ACAD11: variants seen among roughly 807,000 people sequenced by gnomAD.
ACAD11 encodes the protein acyl-Coenzyme A dehydrogenase family, member 11.
ACAD11 carries 83 observed loss-of-function variants against 102.2 expected under a neutral mutation model. That is an observed-to-expected ratio of 0.81 (90% CI 0.68 to 0.97). The LOEUF (loss-of-function observed/expected upper bound fraction) is 0.97. Ranked by LOEUF, ACAD11 falls within the 50% of genes least tolerant of loss-of-function variation. The pLI is 0.00. For synonymous variants in ACAD11, 324 were observed against 319.8 expected, an observed-to-expected ratio of 1.01 and a Z score of -0.14; for missense variants, 901 against 951.7, an observed-to-expected ratio of 0.95 and a Z score of 0.70.
Position 132,575,773 on chromosome 3 carries a change from T to A in ACAD11, c.2000A>T (p.His667Leu), listed in dbSNP as rs1454129517. Reference protein sequence around the residue: ...RIAFKKKLYAHEVVAHWIAES... With the variant: ...RIAFKKKLYALEVVAHWIAES... The stretch of plus-strand genomic sequence containing the variant: ...ATTCAAATAAGTAATCGTCCTCACA[T>A]GTGCATACAACTTCTTCTTGAAAGC... The change falls in exon 17 of 20, where the codon CAT becomes CTT. Residue 667 changes from histidine (H) to leucine (L), a missense_variant and splice_region_variant. His to Leu is a moderately conservative substitution (Grantham distance 99). Coordinates refer to ENST00000264990, the MANE Select transcript of ACAD11 (RefSeq NM_032169.5). 4.3e-6 allele frequency: 7 copies of A among 1,614,036 alleles called. No individual in the cohort carries two copies. In the South Asian group the frequency reaches 7.7e-5, roughly 18 times the overall value.
At chr3:132,627,794 C>G (rs1389441967) in intron 8 of ACAD11, among the ~76,000 whole-genome samples, 1 of 152,184 alleles carries the variant, frequency 6.6e-6, no homozygotes, top group Non-Finnish European at 1.5e-5. Flanking sequence ...ATTGTCCTAA[C>G]ATTATGCCAT....
intron 11 of ACAD11, among the ~76,000 whole-genome samples, chr3:132,607,903 T>C (rs1374181651): frequency 6.6e-6 from 1 of 152,104 alleles, no homozygotes; most frequent in African/African-American, 2.4e-5. Context: ...AGGAAGCCCA[T>C]CAGACTAACA....
intron 1 of ACAD11, among the ~76,000 whole-genome samples, chr3:132,654,107 A>C (rs898928184): frequency 1.1e-4 from 17 of 152,190 alleles, no homozygotes; most frequent in African/African-American, 4.1e-4. Flanking sequence ...AGTTCACAAT[A>C]ACCCTATTCT....
intron 17 of ACAD11, among the ~76,000 whole-genome samples, chr3:132,565,778 C>T (rs1300628777): frequency 6.6e-6 from 1 of 152,006 alleles, no homozygotes; most frequent in Admixed American, 6.5e-5. Context: ...CTGGGATGTC[C>T]CCCCTTATCT....
intron 4 of ACAD11, among the ~76,000 whole-genome samples, chr3:132,641,602 A>AGAAGAAGAG (rs1559973769): frequency 1.5e-5 from 2 of 132,330 alleles, no homozygotes; most frequent in East Asian, 2.3e-4. Flanking sequence ...AAGAAGAAGA[A>AGAAGAAGAG]GAGGAGGAAG....
chr3:132,588,105 C>A (rs1056039490), intron 13 of ACAD11, among the ~76,000 whole-genome samples: 1 of 152,178 alleles, frequency 6.6e-6, no homozygotes, highest in Non-Finnish European at 1.5e-5. Flanking sequence ...GAAAAACTCA[C>A]CCTGTGCCCA....
chr3:132,658,311 T>G (rs1016638552), intron 1 of ACAD11, among the ~76,000 whole-genome samples: 3 of 152,242 alleles, frequency 2.0e-5, no homozygotes, highest in Admixed American at 1.3e-4. Flanking sequence ...TCCATATATA[T>G]TTATTAAACC....
chr3:132,641,560 T>TGAAGAAGAAGAAGAAGAAGAAGAA (rs370839030), intron 4 of ACAD11, among the ~76,000 whole-genome samples: 2 of 99,570 alleles, frequency 2.0e-5, no homozygotes, highest in East Asian at 6.9e-4. Flanking sequence ...ATGATGATGA[T>TGAAGAAGAAGAAGAAGAAGAAGAA]GAAGAAGAAG....
chr3:132,631,084 C>T (rs550510482), intron 6 of ACAD11, among the ~76,000 whole-genome samples: 11 of 152,120 alleles, frequency 7.2e-5, no homozygotes, highest in Admixed American at 7.2e-4. Flanking sequence ...AAAACACCAA[C>T]ATGGCCCATG....
intron 1 of ACAD11, among the ~76,000 whole-genome samples, chr3:132,656,486 T>C (rs1937809050): frequency 6.9e-6 from 1 of 144,676 alleles, no homozygotes; most frequent in African/African-American, 2.7e-5. Context: ...TGATGCTTGA[T>C]ATTGTCAGAT....
chr3:132,613,957 T>C (rs1939286284), intron 11 of ACAD11, among the ~76,000 whole-genome samples: 1 of 152,044 alleles, frequency 6.6e-6, no homozygotes, highest in Admixed American at 6.6e-5. Context: ...CTTAAGCTGA[T>C]AAGCAACTTC....
In ACAD11 at chr3:132,603,258, A is replaced by G. The variant is rs1417955140; in HGVS notation, c.1592T>C (p.Val531Ala). 6.2e-7 allele frequency: 1 copy of G among 1,614,132 alleles called. No individual in the cohort carries two copies. The highest frequency in any genetic ancestry group is 1.1e-5 in the South Asian group (1 of 91,080). The change falls in exon 13 of 20, where the codon GTA becomes GCA. Residue 531 changes from valine (V) to alanine (A), a missense_variant. Val to Ala is a moderately conservative substitution (Grantham distance 64). Transcript: ENST00000264990. ...CSIQRDEDSY[V>A]INGKKWWSSG... ...GCTCCACCATTTTTTGCCGTTAATT[A>G]CATAGCTATCTTCATCTCGTTGGAT... is the stretch of plus-strand genomic sequence containing the variant.
rs1282843161 is a variant in ACAD11 at position 132,578,837 on chromosome 3, C to A, written c.1733G>T (p.Gly578Val). Residue 578 changes from glycine (G) to valine (V), a missense_variant, in exon 15 of 20, where the codon GGA (glycine) becomes GTA (valine). Physicochemically the swap from Gly to Val is moderately radical, Grantham distance 109. Transcript: ENST00000264990. ...TGACAAAGGCCTTATTATTTTTACTCCAGGTGTGTTCATGGGAACAAGAAT... is the reference window on the plus strand; with the variant it reads ...TGACAAAGGCCTTATTATTTTTACTACAGGTGTGTTCATGGGAACAAGAAT... ...SMILVPMNTP[G>V]VKIIRPLSVF... The A allele has an allele frequency of 6.2e-7, 1 of 1,613,096 alleles. No homozygotes were observed. The highest frequency in any genetic ancestry group is 1.7e-5 in the Admixed American group (1 of 59,958).
At chr3:132,602,210 T>A (rs959382680) in intron 13 of ACAD11, 2 of 166,886 alleles carry the variant, frequency 1.2e-5, no homozygotes, top group Non-Finnish European at 2.9e-5. Context: ...AAACAAACTA[T>A]AATAAGCTTT....
At chr3:132,561,407 GAATGCTTACAGTTAA>G in intron 17 of ACAD11, 190 bp from the exon 18 acceptor site, 1 of 600,916 alleles carries the variant, frequency 1.7e-6, no homozygotes, top group East Asian at 3.3e-5. Flanking sequence ...CATACTTGTG[GAATGCTTACAGTTAA>G]AATTGAAATA....
intron 17 of ACAD11, among the ~76,000 whole-genome samples, chr3:132,568,694 C>T (rs958287695): frequency 4.0e-5 from 6 of 150,538 alleles, no homozygotes; most frequent in African/African-American, 1.5e-4. Context: ...TATATAAACC[C>T]ACACAAATAA....
chr3:132,653,677 T>G (rs1166755290), intron 1 of ACAD11, among the ~76,000 whole-genome samples: 1 of 152,188 alleles, frequency 6.6e-6, no homozygotes, highest in African/African-American at 2.4e-5. Context: ...TTAAACCCAT[T>G]TCAATCAAGC....
intron 11 of ACAD11, among the ~76,000 whole-genome samples, chr3:132,605,974 T>C (rs1938820372): frequency 6.6e-6 from 1 of 152,194 alleles, no homozygotes; most frequent in African/African-American, 2.4e-5. Context: ...TTGTTTATAG[T>C]ACATGATGCA....
At chr3:132,631,274 T>G (rs1940031732) in intron 6 of ACAD11, 67 bp downstream of exon 6, 4 of 988,398 alleles carry the variant, frequency 4.0e-6, no homozygotes, top group South Asian at 8.4e-5. Context: ...GATTTATATT[T>G]TAATTATGAA....
Sources: gnomAD v4.1 joint callset for allele counts (sites outside exome capture counted in the v4.1 genomes callset) on GRCh38, gnomAD v4.1.1 for gene constraint, MANE v1.5 for transcripts, NCBI Gene and HGNC (gene_info 2026-07-23, HGNC 2026-07-21) for gene names.